The following KCNH1 variants were observed in gnomAD, a reference collection of about 807,000 sequenced individuals.
KCNH1 encodes the protein potassium voltage-gated channel subfamily H member 1, also known as voltage-gated delayed rectifier potassium channel KCNH1.
Under a neutral mutation model 69.2 loss-of-function variants are expected in KCNH1, and 27 were observed. That is an observed-to-expected ratio of 0.39 (90% CI 0.29 to 0.54). KCNH1 has a LOEUF of 0.54. Ranked by LOEUF, KCNH1 falls within the 20% of genes least tolerant of loss-of-function variation. The pLI is 0.68. For missense variants in KCNH1, 798 were observed against 1,261.6 expected, an observed-to-expected ratio of 0.63 and a Z score of 5.57; for synonymous variants, 456 against 487.7, an observed-to-expected ratio of 0.93 and a Z score of 0.86.
In KCNH1 at chr1:211,006,482, G is replaced by T. The variant is rs1689287630; in HGVS notation, c.1032+12301C>A. ...CATTGTCCTATTTAATTTATATGAA[G>T]ATCAGAAATAGGCAAAATAAAAACT... On this transcript the variant is annotated intron_variant, in intron 6 of 10. Coordinates refer to ENST00000271751, the MANE Select transcript of KCNH1 (RefSeq NM_172362.3). Among the ~76,000 whole-genome samples the T allele has an allele frequency of 2.0e-5, 3 of 152,082 alleles. No individual in the cohort carries two copies. In the South Asian group the frequency reaches 6.2e-4, roughly 32 times the overall value.
chr1:210,803,547 A>G (rs1684471268), intron 8 of KCNH1, among the ~76,000 whole-genome samples: 1 of 152,258 alleles, frequency 6.6e-6, no homozygotes, highest in Admixed American at 6.5e-5. Context: ...AAAAAAATCC[A>G]TGATGAACAA....
chr1:211,050,260 T>TAAAAAAAAAAAAAAAAAAAAAA lies in KCNH1; in HGVS notation c.559-31026_559-31005dup, dbSNP rs747498526. 6.1e-4 allele frequency among the ~76,000 whole-genome samples: 36 copies of TAAAAAAAAAAAAAAAAAAAAAA among 58,576 alleles called. 8 individuals carry two copies. The highest frequency in any genetic ancestry group is 9.2e-4 in the Non-Finnish European group (30 of 32,570). The allele number at this position is 58,576 out of a possible 152,430, so 38.4% of individuals were successfully genotyped here. A position where few individuals can be genotyped will look rare whatever the true frequency, so the allele number is the denominator to read the frequency against. On this transcript the variant is annotated intron_variant, in intron 5 of 10. Coordinates refer to ENST00000271751, the MANE Select transcript of KCNH1 (RefSeq NM_172362.3). Reference sequence around the variant, plus strand: ...AGGACAAACTCAGCCCACACATTCTTAAAAAAAAAAAAAAAAAAAAAAAAA... The same window carrying TAAAAAAAAAAAAAAAAAAAAAA: ...AGGACAAACTCAGCCCACACATTCTTAAAAAAAAAAAAAAAAAAAAAAAAAAAAAAAAAAAAAAAAAAAAAAA...
intron 7 of KCNH1, among the ~76,000 whole-genome samples, chr1:210,862,586 A>T (rs1322454451): frequency 1.3e-5 from 2 of 152,172 alleles, no homozygotes; most frequent in African/African-American, 4.8e-5. Context: ...ATCCTGCATC[A>T]GCCTCCCAAA....
chr1:211,045,222 T>C (rs1690076706), intron 5 of KCNH1, among the ~76,000 whole-genome samples: 2 of 151,252 alleles, frequency 1.3e-5, no homozygotes, highest in Non-Finnish European at 2.9e-5. Context: ...GCTATGAGGA[T>C]ACAAAGGCAC....
intron 4 of KCNH1, among the ~76,000 whole-genome samples, chr1:211,085,108 G>T (rs1165505110): frequency 6.6e-6 from 1 of 152,174 alleles, no homozygotes; most frequent in African/African-American, 2.4e-5. Context: ...TTTGAACAAT[G>T]AGTAAGATTT....
At chr1:211,048,298 G>A (rs4431905) in intron 5 of KCNH1, among the ~76,000 whole-genome samples, 27,434 of 152,048 alleles carry the variant, frequency 0.18, 2,799 homozygotes, top group Non-Finnish European at 0.23. Flanking sequence ...ACTAAAAGTA[G>A]ATCTACCATT....
chr1:211,063,939 A>C (rs1690482457), intron 5 of KCNH1, among the ~76,000 whole-genome samples: 1 of 152,228 alleles, frequency 6.6e-6, no homozygotes, highest in Admixed American at 6.5e-5. Context: ...AAAATATCAC[A>C]TGTATCCCAT....
intron 10 of KCNH1, among the ~76,000 whole-genome samples, chr1:210,767,413 T>C (rs1683658823): frequency 6.6e-6 from 1 of 152,194 alleles, no homozygotes; most frequent in African/African-American, 2.4e-5. Flanking sequence ...TTCCCTGTGC[T>C]AGAGTATATT....
At chr1:211,014,292 A>G (rs1689453043) in intron 6 of KCNH1, among the ~76,000 whole-genome samples, 1 of 152,192 alleles carries the variant, frequency 6.6e-6, no homozygotes, top group Admixed American at 6.5e-5. Flanking sequence ...CTTGAAAGAG[A>G]CTTATTTAGC....
At chr1:211,102,660 A>G (rs1691279072) in intron 3 of KCNH1, among the ~76,000 whole-genome samples, 1 of 152,166 alleles carries the variant, frequency 6.6e-6, no homozygotes, top group Non-Finnish European at 1.5e-5. Context: ...AAAACAACGC[A>G]TGCCCTTTAC....
At chr1:210,910,399 C>G (rs1290552765) in intron 7 of KCNH1, among the ~76,000 whole-genome samples, 1 of 152,196 alleles carries the variant, frequency 6.6e-6, no homozygotes, top group Non-Finnish European at 1.5e-5. Flanking sequence ...AAAAAGGAGT[C>G]TGAGGGGCTG....
In KCNH1 at chr1:210,728,141, A is replaced by G. The variant is rs541783717; in HGVS notation, c.2113-44003T>C. 1.5e-4 allele frequency among the ~76,000 whole-genome samples: 23 copies of G among 152,334 alleles called. 1 individual carries two copies. In the South Asian group the frequency reaches 4.3e-3, roughly 29 times the overall value. Reference sequence around the variant, plus strand: ...TCTAAAATAGGCTCTTCCTGAAGGAAGGTTGGTAAACAACTGCTCTAAGCC... The same window carrying G: ...TCTAAAATAGGCTCTTCCTGAAGGAGGGTTGGTAAACAACTGCTCTAAGCC... On this transcript the variant is annotated intron_variant, in intron 10 of 10. Coordinates refer to ENST00000271751, the MANE Select transcript of KCNH1 (RefSeq NM_172362.3).
Position 210,836,111 on chromosome 1 carries a change from CAA to C in KCNH1, c.1463-31947_1463-31946del, listed in dbSNP as rs776429016. Among the ~76,000 whole-genome samples, 457 of 93,344 alleles carry C rather than the reference CAA, an allele frequency of 4.9e-3. 5 individuals are homozygous for C. The highest frequency in any genetic ancestry group is 0.019 in the African/African-American group (401 of 21,570). The allele number at this position is 93,344 out of a possible 152,430, so 61.2% of individuals were successfully genotyped here. On this transcript the variant is annotated intron_variant, in intron 7 of 10. Transcript: ENST00000271751. ...TAAGCAGCAGAGCGAGTCTCCGTCT[CAA>C]AAAAAAAAAAAAAAAAAAAATTTCT...
Position 211,001,287 on chromosome 1 carries a change from A to G in KCNH1, c.1032+17496T>C, listed in dbSNP as rs1466214454. 2.0e-5 allele frequency among the ~76,000 whole-genome samples: 3 copies of G among 152,244 alleles called. No individual in the cohort carries two copies. In the East Asian group the frequency reaches 5.8e-4, roughly 29 times the overall value. Reference sequence around the variant, plus strand: ...CATCTGACAAAGGGCTAATATCCAGAATCTACAATGAACTCAAACAAATTT... The same window carrying G: ...CATCTGACAAAGGGCTAATATCCAGGATCTACAATGAACTCAAACAAATTT... On this transcript the variant is annotated intron_variant, in intron 6 of 10. Transcript: ENST00000271751.
chr1:210,772,243 C>T (rs1024253711), intron 10 of KCNH1, among the ~76,000 whole-genome samples: 1 of 152,164 alleles, frequency 6.6e-6, no homozygotes, highest in Non-Finnish European at 1.5e-5. Flanking sequence ...CTTTGCTGCA[C>T]ATTGGAGAAG....
chr1:211,019,458 T>C (rs1382203770), intron 5 of KCNH1, among the ~76,000 whole-genome samples: 11 of 152,242 alleles, frequency 7.2e-5, no homozygotes, highest in Non-Finnish European at 2.9e-5. Context: ...CAAATTACTA[T>C]TTGGCTGTGA....
At chr1:210,696,219 C>T (rs1681636156) in intron 10 of KCNH1, among the ~76,000 whole-genome samples, 2 of 152,178 alleles carry the variant, frequency 1.3e-5, no homozygotes, top group Admixed American at 1.3e-4. Flanking sequence ...ATGCAACACC[C>T]CCTTCTCAGA....
chr1:210,779,416 G>C (rs879662597), intron 9 of KCNH1, among the ~76,000 whole-genome samples: 36 of 152,178 alleles, frequency 2.4e-4, no homozygotes, highest in Non-Finnish European at 2.9e-4. Context: ...ACTGTCAAGG[G>C]GAAGGAGATA....
In KCNH1 at chr1:210,784,518, C is replaced by T. The variant is rs116385134; in HGVS notation, c.1916-8974G>A. ...TGTGTTGGGGTGTCAAGTGCTTAAC[C>T]GACATGTTTTTTTGGATTTCTTATG... is the stretch of plus-strand genomic sequence containing the variant. On this transcript the variant is annotated intron_variant, in intron 9 of 10. Transcript: ENST00000271751. Among the ~76,000 whole-genome samples the T allele has an allele frequency of 5.7e-3, 860 of 152,118 alleles. 9 individuals are homozygous for T. The highest frequency in any genetic ancestry group is 0.019 in the African/African-American group (804 of 41,480).
Sources: allele counts gnomAD v4.1 joint callset (sites outside exome capture counted in the v4.1 genomes callset), GRCh38; gene constraint gnomAD v4.1.1; transcripts MANE v1.5; gene names NCBI Gene and HGNC (gene_info 2026-07-23, HGNC 2026-07-21).